SLC25A27: variants seen among roughly 807,000 people sequenced by gnomAD.
SLC25A27 encodes the protein solute carrier family 25 member 27, also known as mitochondrial uncoupling protein 4.
In SLC25A27, 35 loss-of-function variants were observed where a neutral mutation model predicts 49.1. The observed-to-expected ratio is 0.71, with a 90% CI of 0.54 to 0.95. The LOEUF (loss-of-function observed/expected upper bound fraction) is 0.95, where lower values mean the gene tolerates loss of function less well. Ranked by LOEUF, SLC25A27 falls within the 40% of genes least tolerant of loss-of-function variation. The pLI, the probability that SLC25A27 is intolerant of heterozygous loss-of-function variation, is 0.00. For missense variants in SLC25A27, 339 were observed against 397.1 expected (o/e 0.85, Z 1.24); for synonymous variants, 144 against 136.9 (o/e 1.05, Z -0.36).
At position 46,668,743 on chromosome 6, in the gene SLC25A27, G is replaced by T. The variant is rs758626551; in HGVS notation, c.654G>T (p.Leu218Phe). 6.2e-7 allele frequency: 1 copy of T among 1,608,988 alleles called. No homozygotes were observed. Among genetic ancestry groups the T allele is most frequent in the East Asian group, 2.2e-5 (1 of 44,794 alleles). The change falls in exon 6 of 9, where the codon TTG (leucine) becomes TTT (phenylalanine). Residue 218 changes from leucine (L) to phenylalanine (F), a missense_variant. Physicochemically the swap from Leu to Phe is conservative, Grantham distance 22. Coordinates refer to ENST00000371347, the MANE Select transcript of SLC25A27 (RefSeq NM_004277.5). ...CTTATGATACAGTGAAACACTACTT[G>T]GTATTGAATACACCACTTGAGGACA... is the stretch of plus-strand genomic sequence containing the variant. ...LTTYDTVKHY[L>F]VLNTPLEDNI...
intron 8 of SLC25A27, among the ~76,000 whole-genome samples, chr6:46,672,496 A>AGTGG (rs1467479143): frequency 6.6e-6 from 1 of 152,154 alleles, no homozygotes; most frequent in Non-Finnish European, 1.5e-5. Flanking sequence ...AGAGTATGAC[A>AGTGG]GTGGGAATAG....
At chr6:46,661,469 T>C (rs759942335) in intron 3 of SLC25A27, among the ~76,000 whole-genome samples, 1 of 152,252 alleles carries the variant, frequency 6.6e-6, no homozygotes, top group Non-Finnish European at 1.5e-5. Context: ...TATGACCTGA[T>C]AGGGATAGCC....
chr6:46,657,784 G>A (rs921160186), intron 2 of SLC25A27, among the ~76,000 whole-genome samples: 1 of 152,166 alleles, frequency 6.6e-6, no homozygotes, highest in African/African-American at 2.4e-5. Flanking sequence ...AGGCTACTCT[G>A]AAAGAGGACA....
At chr6:46,667,189 C>T (rs993719172) in intron 5 of SLC25A27, among the ~76,000 whole-genome samples, 4 of 152,188 alleles carry the variant, frequency 2.6e-5, no homozygotes, top group Non-Finnish European at 5.9e-5. Flanking sequence ...AAATTGTTCA[C>T]ACTCAAAACC....
chr6:46,659,355 T>C (rs1763086940), intron 3 of SLC25A27, among the ~76,000 whole-genome samples: 2 of 152,238 alleles, frequency 1.3e-5, no homozygotes, highest in Non-Finnish European at 2.9e-5. Flanking sequence ...TGGGCTCAAA[T>C]TCCTGCTCTG....
intron 8 of SLC25A27, among the ~76,000 whole-genome samples, chr6:46,671,528 T>C (rs532403777): frequency 5.5e-4 from 83 of 152,084 alleles, no homozygotes; most frequent in Non-Finnish European, 1.2e-3. Flanking sequence ...CATTTAGTCA[T>C]ATTTTAATAC....
chr6:46,664,792 T>A lies in SLC25A27; in HGVS notation c.525T>A (p.His175Gln), dbSNP rs925010869. The A allele has an allele frequency of 1.2e-5, 19 of 1,605,146 alleles. No individual in the cohort carries two copies. Among genetic ancestry groups the A allele is most frequent in the Non-Finnish European group, 1.6e-5 (19 of 1,174,836 alleles). ...TCCTTAGATTTCGTGGTGTACATCATGCATTTGCAAAAATCTTAGCTGAAG... is the reference window on the plus strand; with the variant it reads ...TCCTTAGATTTCGTGGTGTACATCAAGCATTTGCAAAAATCTTAGCTGAAG... ...GKPLRFRGVHHAFAKILAEGG... is the reference protein window; with the variant it reads ...GKPLRFRGVHQAFAKILAEGG... The change falls in exon 5 of 9, where the codon CAT becomes CAA. Residue 175 changes from histidine to glutamine, a missense_variant. By Grantham distance (24) the His-to-Gln change is conservative (BLOSUM62 0). Transcript: ENST00000371347.
At chr6:46,658,789 C>A in intron 2 of SLC25A27, 173 bp from the exon 3 acceptor site, 1 of 616,948 alleles carries the variant, frequency 1.6e-6, no homozygotes. Context: ...AGAGCATGCC[C>A]CATTTGGAGA....
chr6:46,678,030 TTATATATATATATATATATATATATATA>T lies in SLC25A27; in HGVS notation c.*1584_*1611del, dbSNP rs67622673. 1 of 100,630 alleles carries T rather than the reference TTATATATATATATATATATATATATATA, an allele frequency of 9.9e-6. No homozygotes were observed. The highest frequency in any genetic ancestry group is 1.0e-4 in the Admixed American group (1 of 9,978). The allele number at this position is 100,630 out of a possible 1,614,324, so 6.2% of individuals were successfully genotyped here. ...CAATATGTAATTGCGTTGTAAAATATTATATATATATATATATATATATATATATATATATGCTTAACTTCCCAAGTGT... is the reference window on the plus strand; with the variant it reads ...CAATATGTAATTGCGTTGTAAAATATTATATATGCTTAACTTCCCAAGTGT... On this transcript the variant is annotated 3_prime_UTR_variant, in exon 9 of 9. Coordinates refer to ENST00000371347, the MANE Select transcript of SLC25A27 (RefSeq NM_004277.5).
intron 5 of SLC25A27, among the ~76,000 whole-genome samples, chr6:46,667,090 A>G (rs1298898066): frequency 6.6e-6 from 1 of 152,150 alleles, no homozygotes; most frequent in Admixed American, 6.5e-5. Context: ...AACTGATTTT[A>G]TCAAGATTAC....
chr6:46,656,347 A>ATTTT (rs771129922), intron 2 of SLC25A27, among the ~76,000 whole-genome samples: 1 of 136,132 alleles, frequency 7.3e-6, no homozygotes, highest in Non-Finnish European at 1.6e-5. Flanking sequence ...CACCCAGCTA[A>ATTTT]TTTTTTTTTT....
Position 46,662,301 on chromosome 6 carries a change from C to A in SLC25A27, c.384-75C>A, listed in dbSNP as rs76910684. 1,775 of 1,327,214 alleles carry A rather than the reference C, an allele frequency of 1.3e-3. 26 individuals are homozygous for A. In the African/African-American group the frequency reaches 0.021, roughly 16 times the overall value. The allele number at this position is 1,327,214 out of a possible 1,614,324, so 82.2% of individuals were successfully genotyped here. On this transcript the variant is annotated intron_variant, in intron 3 of 8. Coordinates refer to ENST00000371347, the MANE Select transcript of SLC25A27 (RefSeq NM_004277.5). ...TGAAATCTCTTACCTAGGCCCTGTACCAGCTCAGTATTGGTTCACTATAAA... is the reference window on the plus strand; with the variant it reads ...TGAAATCTCTTACCTAGGCCCTGTAACAGCTCAGTATTGGTTCACTATAAA...
At chr6:46,665,323 C>T (rs959030669) in intron 5 of SLC25A27, among the ~76,000 whole-genome samples, 1 of 152,192 alleles carries the variant, frequency 6.6e-6, no homozygotes, top group Non-Finnish European at 1.5e-5. Context: ...TCAATGTTCT[C>T]TTAACTCATC....
chr6:46,660,313 C>G (rs1054135249), intron 3 of SLC25A27, among the ~76,000 whole-genome samples: 17 of 151,570 alleles, frequency 1.1e-4, no homozygotes, highest in Non-Finnish European at 2.2e-4. Flanking sequence ...ATAGGCAGTT[C>G]ACAAAAGAAA....
chr6:46,675,251 C>T (rs1763727527), intron 8 of SLC25A27, among the ~76,000 whole-genome samples: 1 of 152,130 alleles, frequency 6.6e-6, no homozygotes, highest in Non-Finnish European at 1.5e-5. Context: ...GCTATAATGT[C>T]ATTAACATGA....
intron 8 of SLC25A27, among the ~76,000 whole-genome samples, chr6:46,673,169 C>T (rs755076807): frequency 5.9e-5 from 9 of 152,158 alleles, no homozygotes; most frequent in African/African-American, 9.7e-5. Flanking sequence ...GTTAAAATTA[C>T]AGAAATAATA....
chr6:46,661,087 C>T (rs1483931114), intron 3 of SLC25A27, among the ~76,000 whole-genome samples: 1 of 152,058 alleles, frequency 6.6e-6, no homozygotes, highest in Non-Finnish European at 1.5e-5. Context: ...ATTCAGCTTA[C>T]AGTAACAGAG....
intron 3 of SLC25A27, among the ~76,000 whole-genome samples, chr6:46,659,704 A>T (rs1179453986): frequency 6.6e-6 from 1 of 151,758 alleles, no homozygotes. Context: ...AAATACAAAA[A>T]ATTAGCTGGG....
Position 46,670,371 on chromosome 6 carries a change from C to T in SLC25A27, c.797+144C>T, listed in dbSNP as rs536570351. ...TGAGCGCATTTTTTTTATGCAATTA[C>T]CTGCTCTTTGATGAAAAAGTGACAT... On this transcript the variant is annotated intron_variant, in intron 7 of 8. Transcript: ENST00000371347. 4.7e-5 allele frequency: 28 copies of T among 599,336 alleles called. No individual in the cohort carries two copies. The South Asian group carries it at 5.7e-4, about 12-fold the overall frequency. The allele number at this position is 599,336 out of a possible 1,614,324, so 37.1% of individuals were successfully genotyped here. A position where few individuals can be genotyped will look rare whatever the true frequency, so the allele number is the denominator to read the frequency against.
Sources: allele counts gnomAD v4.1 joint callset (sites outside exome capture counted in the v4.1 genomes callset), GRCh38; gene constraint gnomAD v4.1.1; transcripts MANE v1.5; gene names NCBI Gene and HGNC (gene_info 2026-07-23, HGNC 2026-07-21).